YEATS4: variants seen among roughly 807,000 people sequenced by gnomAD.
YEATS4 encodes the protein YEATS domain containing 4.
Under a neutral mutation model 30.1 loss-of-function variants are expected in YEATS4, and 17 were observed. That is an observed-to-expected ratio of 0.56 (90% CI 0.39 to 0.85). The LOEUF is 0.85. Ranked by LOEUF, YEATS4 falls within the 40% of genes least tolerant of loss-of-function variation. The pLI is 0.00. For synonymous variants in YEATS4, 85 were observed against 87.5 expected (o/e 0.97, Z 0.16); for missense variants, 142 against 268.3 (o/e 0.53, Z 3.29).
At chr12:69,421,690 G>A in the YEATS4 span, among the ~76,000 whole-genome samples, 8 of 152,264 alleles carry the variant, frequency 5.3e-5, no homozygotes, top group East Asian at 5.8e-4. Context: ...AAGTCTAGGC[G>A]GCTGAAAATT....
chr12:69,388,310 C>A (rs1306631191), intron 6 of YEATS4, among the ~76,000 whole-genome samples: 3 of 152,172 alleles, frequency 2.0e-5, no homozygotes, highest in Non-Finnish European at 4.4e-5. Flanking sequence ...ATAATTACTT[C>A]ATGTAATCTT....
At chr12:69,360,045 C>T (rs1565672806) in intron 1 of YEATS4, 22 bp downstream of exon 1, 7 of 1,610,900 alleles carry the variant, frequency 4.3e-6, no homozygotes, top group Middle Eastern at 1.7e-4. Context: ...GACCGCCCCT[C>T]TTCCGGGGTG....
the YEATS4 span, among the ~76,000 whole-genome samples, chr12:69,399,032 AG>A: frequency 6.6e-6 from 1 of 152,010 alleles, no homozygotes; most frequent in South Asian, 2.1e-4. Flanking sequence ...CTGTAGTCCC[AG>A]GTACTCAGGA....
chr12:69,412,086 A>G, the YEATS4 span, among the ~76,000 whole-genome samples: 1 of 152,236 alleles, frequency 6.6e-6, no homozygotes, highest in African/African-American at 2.4e-5. Context: ...GAGTCCAGAC[A>G]CGAGGTGATG....
the YEATS4 span, among the ~76,000 whole-genome samples, chr12:69,423,854 A>G: frequency 6.6e-6 from 1 of 152,210 alleles, no homozygotes; most frequent in Non-Finnish European, 1.5e-5. Context: ...TCCACTAATT[A>G]ATCTAGGGTG....
chr12:69,359,863 AAACCCTCCGCCT>A lies in YEATS4; in HGVS notation c.-109_-98del, dbSNP rs1249602900. Reference sequence around the variant, plus strand: ...AAGTAACTCGCCCTCCTTCGGCTAGAAACCCTCCGCCTGGGCCCGCGCGACAGGAGCGCGGTC... The same window carrying A: ...AAGTAACTCGCCCTCCTTCGGCTAGAGGGCCCGCGCGACAGGAGCGCGGTC... On this transcript the variant is annotated 5_prime_UTR_variant, in exon 1 of 7. Transcript: ENST00000247843. The A allele has an allele frequency of 1.4e-6, 2 of 1,387,604 alleles. No individual in the cohort carries two copies. The highest frequency in any genetic ancestry group is 2.9e-5 in the African/African-American group (2 of 68,254). 86.0% of individuals were successfully genotyped at this position (1,387,604 alleles called of 1,614,324 possible). A position where few individuals can be genotyped will look rare whatever the true frequency, so the allele number is the denominator to read the frequency against.
At chr12:69,380,471 G>A (rs1234737109) in intron 6 of YEATS4, among the ~76,000 whole-genome samples, 1 of 152,200 alleles carries the variant, frequency 6.6e-6, no homozygotes, top group African/African-American at 2.4e-5. Context: ...TTCTGTTTCT[G>A]TGCTGAACTG....
At chr12:69,380,511 C>T (rs1014206878) in intron 6 of YEATS4, among the ~76,000 whole-genome samples, 1 of 152,154 alleles carries the variant, frequency 6.6e-6, no homozygotes, top group Non-Finnish European at 1.5e-5. Flanking sequence ...GACACAAGCA[C>T]CCCTTTAGCC....
At chr12:69,374,807 T>G (rs1875780551) in intron 6 of YEATS4, among the ~76,000 whole-genome samples, 1 of 152,164 alleles carries the variant, frequency 6.6e-6, no homozygotes, top group Non-Finnish European at 1.5e-5. Context: ...AACAATCTGA[T>G]CTCTCTTTCT....
At chr12:69,401,481 G>A in the YEATS4 span, among the ~76,000 whole-genome samples, 4 of 152,158 alleles carry the variant, frequency 2.6e-5, no homozygotes, top group South Asian at 2.1e-4. Flanking sequence ...ACCTTTGGTG[G>A]CCAGTAAGGA....
chr12:69,365,972 G>GT, intron 4 of YEATS4, 88 bp downstream of exon 4: 2 of 1,004,774 alleles, frequency 2.0e-6, no homozygotes, highest in Non-Finnish European at 2.8e-6. Flanking sequence ...TGTTCATTCA[G>GT]ATGTGTTTTA....
the YEATS4 span, among the ~76,000 whole-genome samples, chr12:69,410,256 C>T: frequency 1.3e-5 from 2 of 152,192 alleles, no homozygotes; most frequent in Non-Finnish European, 2.9e-5. Flanking sequence ...TCACTCCCTA[C>T]TCCCACTTTC....
At chr12:69,403,598 AAG>A in the YEATS4 span, among the ~76,000 whole-genome samples, 5 of 151,958 alleles carry the variant, frequency 3.3e-5, no homozygotes, top group Non-Finnish European at 5.9e-5. Context: ...AAAAGAAAAA[AAG>A]AGGGGGCAGA....
In YEATS4 at chr12:69,362,799, C is replaced by G. The variant is rs371148095; in HGVS notation, c.63C>G (p.Ile21Met). 2 of 1,604,090 alleles carry G rather than the reference C, an allele frequency of 1.2e-6. No homozygotes were observed. Among genetic ancestry groups the G allele is most frequent in the Non-Finnish European group, 1.7e-6 (2 of 1,174,050 alleles). ...DSGGRVKGVTIVKPIVYGNVA... is the reference protein window; with the variant it reads ...DSGGRVKGVTMVKPIVYGNVA... Reference sequence around the variant, plus strand: ...TATTTTTCTTTTAGGGTGTTACTATCGTTAAACCAATAGTTTACGGTAATG... The same window carrying G: ...TATTTTTCTTTTAGGGTGTTACTATGGTTAAACCAATAGTTTACGGTAATG... The change falls in exon 2 of 7, where the codon ATC (isoleucine) becomes ATG (methionine). Residue 21 changes from isoleucine to methionine, a missense_variant. By Grantham distance (10) the Ile-to-Met change is conservative. Transcript: ENST00000247843.
In YEATS4 at chr12:69,378,500, T is replaced by C. The variant is rs550141993; in HGVS notation, c.514+7525T>C. Among the ~76,000 whole-genome samples, 8 of 152,306 alleles carry C rather than the reference T, an allele frequency of 5.3e-5. No homozygotes were observed. The South Asian group carries it at 1.7e-3, about 32-fold the overall frequency. On this transcript the variant is annotated intron_variant, in intron 6 of 6. Coordinates refer to ENST00000247843, the MANE Select transcript of YEATS4 (RefSeq NM_006530.4). ...TAGTGAAGGTGATTTTTTCTGGTGGTATATTTTAATTTCTTTTTATTTTTG... is the reference window on the plus strand; with the variant it reads ...TAGTGAAGGTGATTTTTTCTGGTGGCATATTTTAATTTCTTTTTATTTTTG...
At chr12:69,380,985 A>T (rs948582792) in intron 6 of YEATS4, among the ~76,000 whole-genome samples, 1 of 152,238 alleles carries the variant, frequency 6.6e-6, no homozygotes, top group Non-Finnish European at 1.5e-5. Flanking sequence ...AGGCAGGGTG[A>T]GATCACAGGA....
At chr12:69,381,374 T>C (rs1025181466) in intron 6 of YEATS4, among the ~76,000 whole-genome samples, 17 of 152,258 alleles carry the variant, frequency 1.1e-4, no homozygotes, top group African/African-American at 3.9e-4. Flanking sequence ...GTTATCTCTC[T>C]TGTTCCTTGA....
At chr12:69,366,016 G>T in intron 4 of YEATS4, 132 bp downstream of exon 4, 1 of 484,194 alleles carries the variant, frequency 2.1e-6, no homozygotes, top group Non-Finnish European at 3.2e-6. Flanking sequence ...CTTGCCATGA[G>T]TTAAGTTTTT....
chr12:69,365,923 C>A (rs756826957), intron 4 of YEATS4, 39 bp downstream of exon 4: 1 of 1,429,584 alleles, frequency 7.0e-7, no homozygotes, highest in Non-Finnish European at 9.6e-7. Flanking sequence ...AAATAGATTT[C>A]TTAGTAAATG....
Sources: gnomAD v4.1 joint callset for allele counts (sites outside exome capture counted in the v4.1 genomes callset) on GRCh38, gnomAD v4.1.1 for gene constraint, MANE v1.5 for transcripts, NCBI Gene and HGNC (gene_info 2026-07-23, HGNC 2026-07-21) for gene names.